CFAP74: variants seen among roughly 807,000 people sequenced by gnomAD.
The protein encoded by CFAP74 is cilia and flagella associated protein 74.
CFAP74 carries 124 observed loss-of-function variants against 188.9 expected under a neutral mutation model. The ratio of observed to expected loss-of-function variants is 0.66; its 90% CI spans 0.57 to 0.76. CFAP74 has a LOEUF of 0.76. Among genes scored for constraint, CFAP74 ranks in the 30% least tolerant of loss-of-function variants. CFAP74 has a pLI of 0.00. For missense variants in CFAP74, 2,198 were observed against 2,165.2 expected (o/e 1.02, Z -0.30); for synonymous variants, 956 against 916.7 (o/e 1.04, Z -0.77).
rs28575980 is a variant in CFAP74 at position 1,955,806 on chromosome 1, G to A, written c.2061C>T (p.Ala687=). ...TYEDKSLYDK[A]ATSFSEQQLE... ...GCTGCTGCTCAGAGAAGCTGGTGGC[G>A]GCTTTGTCATACAAGCTTTTATCTT... The change falls in exon 18 of 39, where the codon GCC becomes GCT. Residue 687 remains alanine, a synonymous_variant. Coordinates refer to ENST00000682832, the MANE Select transcript of CFAP74 (RefSeq NM_001304360.2). The A allele has an allele frequency of 0.25, 395,496 of 1,613,716 alleles. 49,882 individuals carry two copies. Among genetic ancestry groups the A allele is most frequent in the Non-Finnish European group, 0.26 (305,619 of 1,179,778 alleles).
intron 33 of CFAP74, among the ~76,000 whole-genome samples, chr1:1,925,243 T>G (rs1480110992): frequency 7.5e-6 from 1 of 133,392 alleles, no homozygotes; most frequent in East Asian, 2.3e-4. Flanking sequence ...TGTGAAGGCA[T>G]GAGGGCACAC....
At chr1:1,982,413 C>A (rs1392403613) in intron 6 of CFAP74, among the ~76,000 whole-genome samples, 1 of 152,244 alleles carries the variant, frequency 6.6e-6, no homozygotes, top group South Asian at 2.1e-4. Context: ...TGCAGGACAC[C>A]CCGCCAGGGA....
intron 21 of CFAP74, among the ~76,000 whole-genome samples, chr1:1,943,970 C>G (rs1326165962): frequency 2.0e-5 from 3 of 152,168 alleles, no homozygotes; most frequent in Admixed American, 2.0e-4. Flanking sequence ...TTCAAATCGG[C>G]CTGACTCTGA....
In CFAP74 at chr1:1,973,469, A is replaced by C. The variant is rs2102083287; in HGVS notation, c.675-422T>G. On this transcript the variant is annotated intron_variant, in intron 7 of 38. Transcript: ENST00000682832. This position sits in a 1 kb window ranked among gnomAD's most constrained non-coding sequence, Gnocchi z 6.2. ...GATGGGGGAGGGGATGGAGGCCAGAAGGGGGTCCCGAGGAGAGAGGCTCAC... is the reference window on the plus strand; with the variant it reads ...GATGGGGGAGGGGATGGAGGCCAGACGGGGGTCCCGAGGAGAGAGGCTCAC... Among the ~76,000 whole-genome samples, 1 of 151,858 alleles carries C rather than the reference A, an allele frequency of 6.6e-6. No individual in the cohort carries two copies. The highest frequency in any genetic ancestry group is 2.1e-4 in the South Asian group (1 of 4,806).
At chr1:1,958,333 G>A (rs1308981993) in intron 16 of CFAP74, among the ~76,000 whole-genome samples, 2 of 152,248 alleles carry the variant, frequency 1.3e-5, no homozygotes, top group African/African-American at 4.8e-5. Context: ...GGCTCAGGCT[G>A]TGAGACTTGC....
At chr1:1,945,305 G>A (rs1653676203) in intron 20 of CFAP74, among the ~76,000 whole-genome samples, 1 of 152,160 alleles carries the variant, frequency 6.6e-6, no homozygotes, top group African/African-American at 2.4e-5. Flanking sequence ...GGGGCCTCAG[G>A]AGGTTAGAGA....
chr1:1,949,143 CCCTT>C (rs1223456740), intron 18 of CFAP74, among the ~76,000 whole-genome samples: 6 of 115,908 alleles, frequency 5.2e-5, no homozygotes, highest in Admixed American at 8.6e-5. Flanking sequence ...CTCCCTCCCT[CCCTT>C]CCTTCCCCTC....
At chr1:1,990,793 C>T in intron 2 of CFAP74, 97 bp downstream of exon 2, 1 of 854,970 alleles carries the variant, frequency 1.2e-6, no homozygotes, top group Non-Finnish European at 1.8e-6. Context: ...AAGATACCCT[C>T]TCCCAGAAAT....
chr1:1,972,850 A>G (rs1177219857), intron 8 of CFAP74, 87 bp downstream of exon 8: 1 of 907,624 alleles, frequency 1.1e-6, no homozygotes, highest in Non-Finnish European at 1.8e-6. Context: ...TTAAATAAAT[A>G]AATAATAAAA....
intron 1 of CFAP74, among the ~76,000 whole-genome samples, chr1:1,998,733 C>T (rs750227037): frequency 2.0e-5 from 3 of 151,734 alleles, no homozygotes; most frequent in East Asian, 1.9e-4. Context: ...AAAAATTAGC[C>T]GGGCGTGGTG....
intron 9 of CFAP74, 103 bp from the exon 10 acceptor site, chr1:1,970,919 GCACACACGTGCA>G: frequency 7.6e-7 from 1 of 1,313,932 alleles, no homozygotes; most frequent in Admixed American, 1.8e-5. Flanking sequence ...ATGCACACGT[GCACACACGTGCA>G]CACACACATG....
chr1:1,944,633 G>A (rs371812536), intron 20 of CFAP74, among the ~76,000 whole-genome samples, 181 bp from the exon 21 acceptor site: 1 of 152,286 alleles, frequency 6.6e-6, no homozygotes, highest in East Asian at 1.9e-4. Context: ...TTGAGACGGA[G>A]TCTCGCTCTG....
chr1:1,966,268 C>A (rs1439723971), intron 12 of CFAP74, 103 bp downstream of exon 12: 5 of 1,147,970 alleles, frequency 4.4e-6, no homozygotes, highest in Non-Finnish European at 1.2e-6. Context: ...CCAGGAGAAG[C>A]CTCAGAGCAG....
intron 24 of CFAP74, among the ~76,000 whole-genome samples, chr1:1,939,275 A>G (rs369034184): frequency 8.5e-5 from 13 of 152,352 alleles, no homozygotes; most frequent in Admixed American, 2.6e-4. Context: ...GGGGCAGCCC[A>G]GGGAAAGGTG....
At position 1,946,336 on chromosome 1, in the gene CFAP74, T is replaced by G. The variant is rs1187531077; in HGVS notation, c.2345A>C (p.Lys782Thr). The G allele has an allele frequency of 6.5e-7, 1 of 1,536,316 alleles. No individual in the cohort carries two copies. The highest frequency in any genetic ancestry group is 2.4e-5 in the East Asian group (1 of 40,932). ...DVQARFKVTFKNPQCPTLHFR... is the reference protein window; with the variant it reads ...DVQARFKVTFTNPQCPTLHFR... ...ACTCACCGTGGGGCACTGGGGGTTC[T>G]TAAACGTGACTTTGAACCTGGCTTG... The change falls in exon 20 of 39, where the codon AAG becomes ACG. Residue 782 changes from lysine to threonine, a missense_variant. Lys to Thr is a moderately conservative substitution (Grantham distance 78). Transcript: ENST00000682832.
intron 1 of CFAP74, among the ~76,000 whole-genome samples, chr1:1,993,370 C>A (rs57460771): frequency 6.6e-6 from 1 of 151,032 alleles, no homozygotes; most frequent in African/African-American, 2.4e-5. Context: ...CTGCAGCCTC[C>A]AACTCCTGGG....
chr1:1,990,856 G>A, intron 2 of CFAP74, 34 bp downstream of exon 2: 1 of 1,570,506 alleles, frequency 6.4e-7, no homozygotes, highest in Non-Finnish European at 8.7e-7. Context: ...TCTTTTTGCT[G>A]AAACTTCCGT....
Position 1,988,571 on chromosome 1 carries a change from C to T in CFAP74, c.237G>A (p.Gln79=). 1.2e-6 allele frequency: 2 copies of T among 1,613,526 alleles called. No homozygotes were observed. The highest frequency in any genetic ancestry group is 8.5e-7 in the Non-Finnish European group (1 of 1,180,028). ...EDRTQAFHLR[Q]NLSALDKMHE... ...GCATCTTATCCAGGGCGCTCAGGTT[C>T]TGCCGCAGGTGAAATGCCTGCGTTC... Residue 79 remains glutamine, a synonymous_variant, in exon 4 of 39, where the codon CAG becomes CAA. Coordinates refer to ENST00000682832, the MANE Select transcript of CFAP74 (RefSeq NM_001304360.2).
At chr1:1,988,849 C>A in intron 3 of CFAP74, 40 bp downstream of exon 3, 1 of 417,690 alleles carries the variant, frequency 2.4e-6, no homozygotes, top group African/African-American at 2.2e-5. Flanking sequence ...CCCACCCCCA[C>A]CCCCCCACAC....
Sources: allele counts gnomAD v4.1 joint callset (sites outside exome capture counted in the v4.1 genomes callset), GRCh38; gene constraint gnomAD v4.1.1; non-coding constraint Gnocchi (gnomAD v3.1); transcripts MANE v1.5; gene names NCBI Gene and HGNC (gene_info 2026-07-23, HGNC 2026-07-21).